Variants in ECHDC3 observed in about 807,000 individuals in gnomAD.
The protein encoded by ECHDC3 is enoyl-CoA hydratase domain-containing protein 3, mitochondrial.
Under a neutral mutation model 17.9 loss-of-function variants are expected in ECHDC3, and 20 were observed. The observed-to-expected ratio is 1.12, with a 90% CI of 0.79 to 1.63. The LOEUF is 1.63. ECHDC3 is among the 40% of genes most tolerant of loss of function. The pLI is 0.00. For missense variants in ECHDC3, 407 were observed against 357.7 expected (o/e 1.14, Z -1.11); for synonymous variants, 177 against 149.7 (o/e 1.18, Z -1.33).
intron 3 of ECHDC3, among the ~76,000 whole-genome samples, chr10:11,755,052 G>A (rs1832869356): frequency 6.6e-6 from 1 of 152,186 alleles, no homozygotes; most frequent in South Asian, 2.1e-4. Context: ...TGGGCGTGGT[G>A]GCTCACGCCT....
At chr10:11,744,880 C>G (rs1211932421) in intron 1 of ECHDC3, among the ~76,000 whole-genome samples, 1 of 152,126 alleles carries the variant, frequency 6.6e-6, no homozygotes, top group Non-Finnish European at 1.5e-5. Context: ...GGGATGAACG[C>G]GTGCACCTGG....
chr10:11,742,502 A>G lies in ECHDC3; in HGVS notation c.-75A>G. On this transcript the variant is annotated 5_prime_UTR_variant, in exon 1 of 5. Transcript: ENST00000379215. ...GTTCCGTCCCGGCCCTGCTCACAGC[A>G]GCGCCCTCGGAGCGCCCAGCACCTG... 5 of 1,230,076 alleles carry G rather than the reference A, an allele frequency of 4.1e-6. No individual in the cohort carries two copies. Among genetic ancestry groups the G allele is most frequent in the Non-Finnish European group, 5.1e-6 (5 of 980,966 alleles). The allele number at this position is 1,230,076 out of a possible 1,614,324, so 76.2% of individuals were successfully genotyped here. A position where few individuals can be genotyped will look rare whatever the true frequency, so the allele number is the denominator to read the frequency against.
chr10:11,745,679 G>A (rs1564281679), intron 1 of ECHDC3, among the ~76,000 whole-genome samples: 1 of 152,170 alleles, frequency 6.6e-6, no homozygotes, highest in Admixed American at 6.5e-5. Flanking sequence ...GCTGTACCGC[G>A]GAAGGAATAT....
Position 11,742,607 on chromosome 10 carries a change from G to A in ECHDC3, c.31G>A (p.Gly11Arg). 2.3e-6 allele frequency: 3 copies of A among 1,296,750 alleles called. No individual in the cohort carries two copies. Among genetic ancestry groups the A allele is most frequent in the Non-Finnish European group, 9.8e-7 (1 of 1,022,970 alleles). The allele number at this position is 1,296,750 out of a possible 1,614,324, so 80.3% of individuals were successfully genotyped here. MAAVAVLRAFGASGPMCLRRG... is the reference protein window; with the variant it reads MAAVAVLRAFRASGPMCLRRG... ...CGCCGTCGCCGTCTTGCGGGCCTTC[G>A]GGGCAAGTGGGCCCATGTGTCTCCG... The change falls in exon 1 of 5, where the codon GGG (glycine) becomes AGG (arginine). Residue 11 changes from glycine (G) to arginine (R), a missense_variant. By Grantham distance (125) the Gly-to-Arg change is moderately radical (BLOSUM62 -2). Transcript: ENST00000379215.
At position 11,757,991 on chromosome 10, in the gene ECHDC3, G is replaced by A. The variant is rs577552809; in HGVS notation, c.591+2383G>A. On this transcript the variant is annotated intron_variant, in intron 4 of 4. Transcript: ENST00000379215. ...ACCGAGTATTTTGGGGGGTGGGTGC[G>A]TGTCCCTCATACACCCACAGGGAAG... Among the ~76,000 whole-genome samples the A allele has an allele frequency of 4.6e-5, 7 of 152,186 alleles. No homozygotes were observed. The East Asian group carries it at 7.7e-4, about 17-fold the overall frequency.
chr10:11,751,798 G>A (rs967339681), intron 3 of ECHDC3, among the ~76,000 whole-genome samples: 3 of 152,184 alleles, frequency 2.0e-5, no homozygotes, highest in Non-Finnish European at 4.4e-5. Flanking sequence ...GTTGAAGTTT[G>A]GAGACGGAAA....
intron 1 of ECHDC3, among the ~76,000 whole-genome samples, chr10:11,745,867 A>C (rs563225910): frequency 1.4e-4 from 21 of 152,210 alleles, no homozygotes; most frequent in Non-Finnish European, 2.9e-4. Flanking sequence ...TTTATTCAGC[A>C]TGTGGGATGC....
intron 3 of ECHDC3, among the ~76,000 whole-genome samples, chr10:11,754,749 C>T (rs1174788402): frequency 1.3e-5 from 2 of 152,318 alleles, no homozygotes; most frequent in African/African-American, 4.8e-5. Context: ...CACTCTTCTT[C>T]AGCACATTTG....
chr10:11,754,290 G>T (rs1458562852), intron 3 of ECHDC3, among the ~76,000 whole-genome samples: 1 of 10,936 alleles, frequency 9.1e-5, no homozygotes, highest in South Asian at 0.021. Context: ...TTGAATACCT[G>T]CCTTGGGGTA....
chr10:11,747,228 A>T, intron 1 of ECHDC3, 121 bp from the exon 2 acceptor site: 1 of 1,311,540 alleles, frequency 7.6e-7, no homozygotes, highest in Non-Finnish European at 1.0e-6. Context: ...ATTGGCACTA[A>T]GCCCCAGCAG....
At chr10:11,748,446 G>A (rs995875325) in intron 2 of ECHDC3, among the ~76,000 whole-genome samples, 19 of 152,104 alleles carry the variant, frequency 1.2e-4, no homozygotes, top group Admixed American at 8.5e-4. Context: ...GGCTGGTCTC[G>A]AACTCCTAGC....
chr10:11,748,244 T>G (rs939261422), intron 2 of ECHDC3, among the ~76,000 whole-genome samples: 1 of 151,254 alleles, frequency 6.6e-6, no homozygotes, highest in Admixed American at 6.6e-5. Flanking sequence ...TTTTTTTTAT[T>G]TGATACATAG....
intron 1 of ECHDC3, among the ~76,000 whole-genome samples, chr10:11,744,229 C>T (rs1048254107): frequency 2.0e-5 from 3 of 152,198 alleles, no homozygotes; most frequent in African/African-American, 7.2e-5. Flanking sequence ...CTGTTCAGGG[C>T]CACACGGCCA....
intron 3 of ECHDC3, 85 bp downstream of exon 3, chr10:11,749,677 G>C: frequency 8.2e-7 from 1 of 1,219,382 alleles, no homozygotes; most frequent in Non-Finnish European, 1.1e-6. Context: ...TTACAGATAA[G>C]ATTTTATCCA....
rs897246847 is a variant in ECHDC3 at position 11,756,010 on chromosome 10, A to G, written c.591+402A>G. Among the ~76,000 whole-genome samples, 4 of 152,200 alleles carry G rather than the reference A, an allele frequency of 2.6e-5. No homozygotes were observed. The South Asian group carries it at 8.3e-4, about 32-fold the overall frequency. On this transcript the variant is annotated intron_variant, in intron 4 of 4. Coordinates refer to ENST00000379215, the MANE Select transcript of ECHDC3 (RefSeq NM_024693.5). ...ATGAGATAGAATAGCGTACTGACATAATGCCAGTATCAAGAGCCTAGGATA... is the reference window on the plus strand; with the variant it reads ...ATGAGATAGAATAGCGTACTGACATGATGCCAGTATCAAGAGCCTAGGATA...
intron 1 of ECHDC3, chr10:11,743,005 G>T: frequency 3.0e-6 from 1 of 336,898 alleles, no homozygotes; most frequent in Non-Finnish European, 5.3e-6. Flanking sequence ...CTGCGGAGAG[G>T]CCTGGAGAGG....
chr10:11,759,225 A>G (rs1031578105), intron 4 of ECHDC3, among the ~76,000 whole-genome samples: 3 of 152,066 alleles, frequency 2.0e-5, no homozygotes, highest in Non-Finnish European at 2.9e-5. Context: ...ATGGTGGCGC[A>G]TGCCTGTAAT....
rs967382067 is a variant in ECHDC3 at position 11,763,452 on chromosome 10, A to G, written c.820A>G (p.Met274Val). 5.4e-6 allele frequency: 5 copies of G among 917,748 alleles called. No homozygotes were observed. Among genetic ancestry groups the G allele is most frequent in the African/African-American group, 4.8e-5 (3 of 61,926 alleles). The allele number at this position is 917,748 out of a possible 1,614,324, so 56.9% of individuals were successfully genotyped here. The change falls in exon 5 of 5, where the codon ATG becomes GTG. Residue 274 changes from methionine (M) to valine (V), a missense_variant. Met to Val is a conservative substitution (Grantham distance 21). Transcript: ENST00000379215. The surrounding 1 kb of genome is among the most constrained non-coding windows in gnomAD (Gnocchi z 4.9). ...GTAYYLTSQA[M>V]VDNLALRDGQ... ...GGCTTACTACCTCACCTCCCAGGCC[A>G]TGGTGGACAACCTGGCCCTGCGGGA... is the stretch of plus-strand genomic sequence containing the variant.
At chr10:11,761,284 G>A (rs1435564421) in intron 4 of ECHDC3, among the ~76,000 whole-genome samples, 1 of 152,220 alleles carries the variant, frequency 6.6e-6, no homozygotes, top group Non-Finnish European at 1.5e-5. Context: ...TCACAGCTTG[G>A]TGGGGGGTAG....
Sources: gnomAD v4.1 joint callset for allele counts (sites outside exome capture counted in the v4.1 genomes callset) on GRCh38, gnomAD v4.1.1 for gene constraint, Gnocchi (gnomAD v3.1) non-coding constraint, MANE v1.5 for transcripts, NCBI Gene and HGNC (gene_info 2026-07-23, HGNC 2026-07-21) for gene names.